Variants in SUGCT observed in about 807,000 individuals in gnomAD.
The protein encoded by SUGCT is succinyl-CoA:glutarate CoA-transferase.
A neutral mutation model predicts 55.0 loss-of-function variants in SUGCT; 41 were observed. The observed-to-expected ratio is 0.74, with a 90% CI of 0.58 to 0.97. The LOEUF (loss-of-function observed/expected upper bound fraction) is 0.97. SUGCT is among the 50% of genes least tolerant of loss of function. The pLI, the probability that SUGCT is intolerant of heterozygous loss-of-function variation, is 0.00. For synonymous variants in SUGCT, 187 were observed against 200.4 expected (o/e 0.93, Z 0.56); for missense variants, 568 against 547.8 (o/e 1.04, Z -0.37).
At chr7:40,195,268 C>T (rs1786193429) in intron 6 of SUGCT, among the ~76,000 whole-genome samples, 3 of 136,266 alleles carry the variant, frequency 2.2e-5, no homozygotes, top group Non-Finnish European at 4.5e-5. Context: ...TGTTGCCAGG[C>T]TGGAGTGTAG....
the SUGCT span, among the ~76,000 whole-genome samples, chr7:40,944,082 T>G: frequency 1.3e-5 from 2 of 152,172 alleles, no homozygotes; most frequent in Non-Finnish European, 2.9e-5. Flanking sequence ...TGTCTTCTTT[T>G]GAGAAGTGTC....
intron 9 of SUGCT, among the ~76,000 whole-genome samples, chr7:40,357,416 A>G (rs1025565536): frequency 6.6e-6 from 1 of 152,184 alleles, no homozygotes. Flanking sequence ...ATTGGTATGC[A>G]TTGGGAAGAT....
chr7:40,729,941 G>C (rs930306891), intron 12 of SUGCT, among the ~76,000 whole-genome samples: 1 of 152,110 alleles, frequency 6.6e-6, no homozygotes, highest in African/African-American at 2.4e-5. Context: ...TTCAATCTTG[G>C]CAATTAAGAT....
intron 13 of SUGCT, among the ~76,000 whole-genome samples, chr7:40,821,420 T>A (rs1407686882): frequency 6.6e-6 from 1 of 152,216 alleles, no homozygotes; most frequent in Non-Finnish European, 1.5e-5. Flanking sequence ...GGTAGGCTAT[T>A]AATTATTGCC....
chr7:40,238,962 A>G lies in SUGCT; in HGVS notation c.576+1236A>G, dbSNP rs1030994591. 1.4e-4 allele frequency among the ~76,000 whole-genome samples: 22 copies of G among 152,188 alleles called. No individual in the cohort carries two copies. In the East Asian group the frequency reaches 4.1e-3, roughly 28 times the overall value. On this transcript the variant is annotated intron_variant, in intron 7 of 13. Transcript: ENST00000335693. ...CAGCCTCCCGAGTAGCTGAGATTAC[A>G]GGTGCCAGCTACCATGACCAGCTAA... is the stretch of plus-strand genomic sequence containing the variant.
chr7:40,357,304 A>C (rs780678479), intron 9 of SUGCT, among the ~76,000 whole-genome samples: 12 of 152,222 alleles, frequency 7.9e-5, no homozygotes, highest in Non-Finnish European at 1.6e-4. Context: ...AATAACCAAA[A>C]TGCTTTGTCA....
At chr7:40,796,054 A>C (rs1178633527) in intron 13 of SUGCT, among the ~76,000 whole-genome samples, 1 of 152,174 alleles carries the variant, frequency 6.6e-6, no homozygotes, top group African/African-American at 2.4e-5. Flanking sequence ...TGTTTATAAT[A>C]ACCCATTTGG....
the SUGCT span, among the ~76,000 whole-genome samples, chr7:40,875,777 G>C: frequency 1.5e-4 from 23 of 152,326 alleles, no homozygotes; most frequent in African/African-American, 5.1e-4. Flanking sequence ...AGGCTTGGCA[G>C]TCCTAGTCTC....
intron 12 of SUGCT, among the ~76,000 whole-genome samples, chr7:40,552,607 G>A (rs554506735): frequency 1.2e-4 from 19 of 152,284 alleles, no homozygotes; most frequent in African/African-American, 3.4e-4. Context: ...CAAAGTGCAA[G>A]TAGGATACAT....
Position 40,481,942 on chromosome 7 carries a change from G to A in SUGCT, c.987-14342G>A, listed in dbSNP as rs138603384. Among the ~76,000 whole-genome samples, 169 of 151,974 alleles carry A rather than the reference G, an allele frequency of 1.1e-3. 1 individual carries two copies. The highest frequency in any genetic ancestry group is 6.8e-3 in the Middle Eastern group (2 of 294). On this transcript the variant is annotated intron_variant, in intron 11 of 13. Transcript: ENST00000335693. ...TTTTATTCATTTATCTCTCTTTTTGGCAATCTTGGAGATGAGGACTTTTGT... is the reference window on the plus strand; with the variant it reads ...TTTTATTCATTTATCTCTCTTTTTGACAATCTTGGAGATGAGGACTTTTGT...
chr7:40,412,986 T>C (rs1479002606), intron 9 of SUGCT, among the ~76,000 whole-genome samples: 3 of 152,178 alleles, frequency 2.0e-5, no homozygotes, highest in African/African-American at 4.8e-5. Flanking sequence ...ATCTTCATGG[T>C]TATTATTGTA....
At chr7:40,231,205 G>C (rs559424663) in intron 6 of SUGCT, among the ~76,000 whole-genome samples, 1 of 152,088 alleles carries the variant, frequency 6.6e-6, no homozygotes, top group Non-Finnish European at 1.5e-5. Flanking sequence ...AGGGAGCAGA[G>C]GTTTATCTCT....
At chr7:41,034,316 G>A in the SUGCT span, among the ~76,000 whole-genome samples, 1 of 152,138 alleles carries the variant, frequency 6.6e-6, no homozygotes, top group African/African-American at 2.4e-5. Context: ...CTGTGTGGTC[G>A]AGAGAATTCT....
At chr7:40,574,168 C>A (rs907669378) in intron 12 of SUGCT, among the ~76,000 whole-genome samples, 1 of 152,104 alleles carries the variant, frequency 6.6e-6, no homozygotes, top group South Asian at 2.1e-4. Context: ...TACTCACCTC[C>A]CCTCACTCTT....
the SUGCT span, among the ~76,000 whole-genome samples, chr7:41,003,695 C>A: frequency 6.6e-6 from 1 of 152,172 alleles, no homozygotes. Context: ...TCTCTAGCTG[C>A]CAACCCCATC....
chr7:40,707,326 A>G (rs931721855), intron 12 of SUGCT, among the ~76,000 whole-genome samples: 2 of 151,812 alleles, frequency 1.3e-5, no homozygotes, highest in African/African-American at 2.4e-5. Context: ...TTGTTTCGGA[A>G]GGTGTTTTGA....
At chr7:40,435,302 A>G (rs1233668882) in intron 9 of SUGCT, among the ~76,000 whole-genome samples, 2 of 152,144 alleles carry the variant, frequency 1.3e-5, no homozygotes. Context: ...CACTTTAACT[A>G]ATATTCATCC....
intron 13 of SUGCT, among the ~76,000 whole-genome samples, chr7:40,818,135 G>A (rs1791772794): frequency 6.6e-6 from 1 of 152,202 alleles, no homozygotes; most frequent in Non-Finnish European, 1.5e-5. Context: ...AGGAGCTCAG[G>A]ATATAACGCA....
chr7:40,417,570 G>C (rs1787070862), intron 9 of SUGCT, among the ~76,000 whole-genome samples: 1 of 151,824 alleles, frequency 6.6e-6, no homozygotes, highest in African/African-American at 2.4e-5. Context: ...TGATCCATAT[G>C]ATTTTCCATG....
Sources: allele counts gnomAD v4.1 joint callset (sites outside exome capture counted in the v4.1 genomes callset), GRCh38; gene constraint gnomAD v4.1.1; transcripts MANE v1.5; gene names NCBI Gene and HGNC (gene_info 2026-07-23, HGNC 2026-07-21).